The following RANBP9 variants were observed in gnomAD, a reference collection of about 807,000 sequenced individuals.
The protein encoded by RANBP9 is ran-binding protein 9.
In RANBP9, 15 loss-of-function variants were observed where a neutral mutation model predicts 84.3. The observed-to-expected ratio is 0.18, with a 90% CI of 0.12 to 0.27. RANBP9 has a LOEUF of 0.27. Among genes scored for constraint, RANBP9 ranks in the 10% least tolerant of loss-of-function variants. RANBP9 has a pLI of 1.00. For synonymous variants in RANBP9, 392 were observed against 349.6 expected (o/e 1.12, Z -1.35); for missense variants, 809 against 912.8 (o/e 0.89, Z 1.46).
rs529560204 is a variant in RANBP9, at chr6:13,635,572, GGT to G, written c.1674-1022_1674-1021del. 4.6e-5 allele frequency among the ~76,000 whole-genome samples: 7 copies of G among 151,462 alleles called. No homozygotes were observed. The East Asian group carries it at 1.4e-3, about 29-fold the overall frequency. ...AGGTAACAAATTCTAACACCTTGGG[GGT>G]GTGTGTGTGCATGCATACACTCCTG... On this transcript the variant is annotated intron_variant, in intron 10 of 13. Transcript: ENST00000011619.
At chr6:13,638,596 T>C (rs1764992572) in intron 9 of RANBP9, among the ~76,000 whole-genome samples, 1 of 151,908 alleles carries the variant, frequency 6.6e-6, no homozygotes, top group Non-Finnish European at 1.5e-5. Context: ...TTTGGGAGGC[T>C]GAGGCAGGAG....
intron 5 of RANBP9, among the ~76,000 whole-genome samples, chr6:13,646,815 G>A (rs958916155): frequency 6.6e-6 from 1 of 152,076 alleles, no homozygotes; most frequent in Non-Finnish European, 1.5e-5. Context: ...AATTCAGGAG[G>A]ACAAAGACTA....
At chr6:13,657,011 T>G in intron 4 of RANBP9, 98 bp downstream of exon 4, 1 of 1,120,688 alleles carries the variant, frequency 8.9e-7, no homozygotes, top group Non-Finnish European at 1.2e-6. Context: ...GAGGCATCCA[T>G]CTATAAAGGA....
chr6:13,705,851 A>G (rs1758098184), intron 1 of RANBP9, among the ~76,000 whole-genome samples: 2 of 145,014 alleles, frequency 1.4e-5, no homozygotes, highest in South Asian at 4.4e-4. Context: ...CCTGGGCGAC[A>G]GAGCAAGACT....
chr6:13,700,949 A>G (rs186933219), intron 1 of RANBP9, among the ~76,000 whole-genome samples: 19 of 152,282 alleles, frequency 1.2e-4, no homozygotes, highest in Non-Finnish European at 1.8e-4. Flanking sequence ...TGTGGAAAAC[A>G]TGGTTTTCCA....
At chr6:13,630,207 G>A (rs1459429015) in intron 12 of RANBP9, among the ~76,000 whole-genome samples, 2 of 152,162 alleles carry the variant, frequency 1.3e-5, no homozygotes, top group Non-Finnish European at 2.9e-5. Context: ...GCAGCTCAGA[G>A]TATTAAGAAA....
chr6:13,640,430 T>G (rs1177229760), intron 8 of RANBP9, among the ~76,000 whole-genome samples: 1 of 152,168 alleles, frequency 6.6e-6, no homozygotes, highest in Admixed American at 6.5e-5. Flanking sequence ...AAAAATCTAA[T>G]GCAGGGACTC....
At chr6:13,650,653 G>A (rs1048407334) in intron 5 of RANBP9, among the ~76,000 whole-genome samples, 17 of 152,124 alleles carry the variant, frequency 1.1e-4, no homozygotes, top group Middle Eastern at 3.2e-3. Context: ...AGTATCAAAC[G>A]TGCACGATGT....
intron 1 of RANBP9, 65 bp downstream of exon 1, chr6:13,710,870 G>A: frequency 6.7e-7 from 1 of 1,498,138 alleles, no homozygotes; most frequent in South Asian, 1.2e-5. Context: ...GTCGAGAGCG[G>A]CGCAGCGGCG....
intron 12 of RANBP9, among the ~76,000 whole-genome samples, chr6:13,630,632 T>G (rs10807467): frequency 0.54 from 81,583 of 151,966 alleles, 22,377 homozygotes; most frequent in Admixed American, 0.63. Flanking sequence ...GAAGTCAAAA[T>G]TATTTGTATA....
At chr6:13,646,798 C>T (rs183754280) in intron 5 of RANBP9, among the ~76,000 whole-genome samples, 360 of 151,832 alleles carry the variant, frequency 2.4e-3, no homozygotes, top group African/African-American at 8.3e-3. Flanking sequence ...TTTACAAATA[C>T]AGAAAAAATT....
chr6:13,631,771 A>G (rs1439322666), intron 12 of RANBP9, among the ~76,000 whole-genome samples: 1 of 152,172 alleles, frequency 6.6e-6, no homozygotes, highest in Non-Finnish European at 1.5e-5. Context: ...TCCACCTTCA[A>G]CTGGTACACA....
chr6:13,660,604 G>A (rs943794862), intron 2 of RANBP9, among the ~76,000 whole-genome samples: 1 of 152,126 alleles, frequency 6.6e-6, no homozygotes, highest in Non-Finnish European at 1.5e-5. Context: ...TATTCCAACA[G>A]AAGTTTTAAA....
At chr6:13,676,914 A>T (rs1765898308) in intron 2 of RANBP9, among the ~76,000 whole-genome samples, 2 of 152,206 alleles carry the variant, frequency 1.3e-5, no homozygotes, top group Admixed American at 6.5e-5. Context: ...ATCATACTTA[A>T]TGGCTAAAAC....
At chr6:13,692,917 C>A (rs1766359739) in intron 2 of RANBP9, among the ~76,000 whole-genome samples, 1 of 152,172 alleles carries the variant, frequency 6.6e-6, no homozygotes, top group Non-Finnish European at 1.5e-5. Context: ...TTCTTCTAAT[C>A]CATTCATTTA....
Position 13,711,320 on chromosome 6 carries a change from G to A in RANBP9, c.186C>T (p.Ala62=), listed in dbSNP as rs1446750647. The A allele has an allele frequency of 8.3e-6, 9 of 1,085,760 alleles. No individual in the cohort carries two copies. The highest frequency in any genetic ancestry group is 6.8e-5 in the African/African-American group (4 of 58,916). The allele number at this position is 1,085,760 out of a possible 1,614,324, so 67.3% of individuals were successfully genotyped here. A position where few individuals can be genotyped will look rare whatever the true frequency, so the allele number is the denominator to read the frequency against. Residue 62 remains alanine, a synonymous_variant, in exon 1 of 14, where the codon GCC becomes GCT. Transcript: ENST00000011619. ...GGGAGGEGLG[A]AAAALLLHPP... is the part of the protein sequence containing the mutation. ...GGTGGAGGAGCAGGGCGGCCGCCGC[G>A]GCCCCTAAGCCTTCGCCGCCCGCAC...
chr6:13,654,065 A>G (rs902851033), intron 4 of RANBP9, among the ~76,000 whole-genome samples: 4 of 152,160 alleles, frequency 2.6e-5, no homozygotes, highest in African/African-American at 9.6e-5. Flanking sequence ...TCAACACTGT[A>G]TATTCTATCT....
chr6:13,691,480 TAA>T (rs1221354881), intron 2 of RANBP9, among the ~76,000 whole-genome samples: 2 of 152,206 alleles, frequency 1.3e-5, no homozygotes, highest in African/African-American at 2.4e-5. Flanking sequence ...CCATAGGAAT[TAA>T]AAGTCTTTAC....
chr6:13,705,273 A>G (rs574959934), intron 1 of RANBP9, among the ~76,000 whole-genome samples: 1 of 151,782 alleles, frequency 6.6e-6, no homozygotes, highest in South Asian at 2.1e-4. Context: ...GCGTGGTGGC[A>G]GGCGCTTGTA....
Sources: allele counts gnomAD v4.1 joint callset (sites outside exome capture counted in the v4.1 genomes callset), GRCh38; gene constraint gnomAD v4.1.1; transcripts MANE v1.5; gene names NCBI Gene and HGNC (gene_info 2026-07-23, HGNC 2026-07-21).